GABRA3: variants seen among roughly 807,000 people sequenced by gnomAD.
GABRA3 encodes gamma-aminobutyric acid receptor subunit alpha-3.
GABRA3 carries 10 observed loss-of-function variants against 30.1 expected under a neutral mutation model. The observed-to-expected ratio is 0.33, with a 90% confidence interval of 0.20 to 0.56. The LOEUF is 0.56. GABRA3 is among the 20% of genes least tolerant of loss of function. GABRA3 has a pLI of 0.89. For synonymous variants in GABRA3, 151 were observed against 146.8 expected (o/e 1.03, Z -0.21); for missense variants, 233 against 392.0 (o/e 0.59, Z 3.42).
chrX:152,253,776 T>G (rs1243623403), intron 5 of GABRA3, among the ~76,000 whole-genome samples: 1 of 111,861 alleles, frequency 8.9e-6, no homozygotes, highest in East Asian at 2.8e-4. Context: ...CTGCAACTGC[T>G]CACTTGGTTT....
chrX:152,391,168 A>G (rs986756204), intron 1 of GABRA3, among the ~76,000 whole-genome samples: 11 of 111,965 alleles, frequency 9.8e-5, no homozygotes, highest in South Asian at 3.7e-4. Context: ...CAAACACGAT[A>G]CTGTCAAAAT....
At chrX:152,203,690 G>C (rs1353679720) in intron 7 of GABRA3, among the ~76,000 whole-genome samples, 2 of 111,579 alleles carry the variant, frequency 1.8e-5, no homozygotes, top group Non-Finnish European at 3.8e-5. Context: ...TCTCTGGGTA[G>C]TCCACATTTC....
intron 1 of GABRA3, among the ~76,000 whole-genome samples, chrX:152,416,004 T>C (rs1930205000): frequency 9.0e-6 from 1 of 110,796 alleles, no homozygotes; most frequent in South Asian, 3.8e-4. Context: ...AAAATAGACA[T>C]AATGGAAATT....
intron 8 of GABRA3, among the ~76,000 whole-genome samples, chrX:152,193,020 C>T (rs1937342930): frequency 8.9e-6 from 1 of 111,946 alleles, no homozygotes; most frequent in Non-Finnish European, 1.9e-5. Context: ...TCAAGAAGTG[C>T]AATCCATATT....
At chrX:152,244,104 A>G (rs1176097441) in intron 5 of GABRA3, among the ~76,000 whole-genome samples, 1 of 112,269 alleles carries the variant, frequency 8.9e-6, no homozygotes, top group Non-Finnish European at 1.9e-5. Flanking sequence ...CATTTATTAT[A>G]CAGTGCTTTG....
intron 5 of GABRA3, among the ~76,000 whole-genome samples, chrX:152,244,116 A>G (rs750842967): frequency 8.9e-6 from 1 of 112,202 alleles, no homozygotes; most frequent in Admixed American, 9.5e-5. Flanking sequence ...AGTGCTTTGC[A>G]TATTAAGGAT....
At chrX:152,270,689 T>G (rs1938916036) in intron 4 of GABRA3, among the ~76,000 whole-genome samples, 1 of 109,923 alleles carries the variant, frequency 9.1e-6, no homozygotes, top group African/African-American at 3.3e-5. Flanking sequence ...ACCCCGTCTC[T>G]ACTAAAAATA....
intron 3 of GABRA3, among the ~76,000 whole-genome samples, chrX:152,342,117 C>T (rs1277136949): frequency 1.8e-5 from 2 of 111,817 alleles, no homozygotes; most frequent in Non-Finnish European, 3.8e-5. Flanking sequence ...GTGATCCGCC[C>T]ACCTCAGCCT....
Position 152,432,698 on chromosome X carries a change from A to C in GABRA3, c.-27+18448T>G, listed in dbSNP as rs151097452. Among the ~76,000 whole-genome samples the C allele has an allele frequency of 7.7e-3, 859 of 111,694 alleles. 11 individuals are homozygous for C. Among genetic ancestry groups the C allele is most frequent in the African/African-American group, 0.026 (808 of 30,808 alleles). On this transcript the variant is annotated intron_variant, in intron 1 of 9. Transcript: ENST00000370314. Reference sequence around the variant, plus strand: ...AATCAGTTTTATTAAACTAATAAAAAATAATTAATTCTTATCTTCTGCAAA... The same window carrying C: ...AATCAGTTTTATTAAACTAATAAAACATAATTAATTCTTATCTTCTGCAAA...
At chrX:152,363,436 A>G (rs1928568004) in intron 2 of GABRA3, among the ~76,000 whole-genome samples, 1 of 111,691 alleles carries the variant, frequency 9.0e-6, no homozygotes, top group Admixed American at 9.5e-5. Flanking sequence ...CTGGAAGACT[A>G]TGCCTTTCTC....
chrX:152,305,728 G>T (rs1003261127), intron 3 of GABRA3, among the ~76,000 whole-genome samples: 2 of 110,987 alleles, frequency 1.8e-5, no homozygotes, highest in Non-Finnish European at 3.8e-5. Context: ...TATTGTGCAT[G>T]TTATATTCAT....
At chrX:152,405,902 T>C (rs983175045) in intron 1 of GABRA3, among the ~76,000 whole-genome samples, 1 of 111,596 alleles carries the variant, frequency 9.0e-6, no homozygotes, top group Non-Finnish European at 1.9e-5. Context: ...GTCCTAACCA[T>C]GGAGGCCATG....
intron 6 of GABRA3, among the ~76,000 whole-genome samples, chrX:152,224,123 G>C (rs1937892963): frequency 9.1e-6 from 1 of 109,864 alleles, no homozygotes; most frequent in African/African-American, 3.4e-5. Flanking sequence ...ACAGATTTTG[G>C]TATATTACTC....
chrX:152,390,359 A>C (rs992986417), intron 1 of GABRA3, among the ~76,000 whole-genome samples: 1 of 112,764 alleles, frequency 8.9e-6, no homozygotes, highest in Non-Finnish European at 1.9e-5. Context: ...AACTTATTTC[A>C]ATAACATGAA....
At chrX:152,378,488 A>G (rs1034733396) in intron 1 of GABRA3, among the ~76,000 whole-genome samples, 2 of 111,815 alleles carry the variant, frequency 1.8e-5, no homozygotes, top group Non-Finnish European at 3.8e-5. Flanking sequence ...ACTAAATCTA[A>G]ATAAAAATAG....
intron 9 of GABRA3, chrX:152,171,396 A>AT: frequency 1.5e-6 from 1 of 682,518 alleles, no homozygotes; most frequent in Non-Finnish European, 1.7e-6. Flanking sequence ...AACATGACAC[A>AT]TTTTAATCAG....
chrX:152,267,732 TAGTA>T (rs1466042474), intron 4 of GABRA3, among the ~76,000 whole-genome samples: 1 of 111,669 alleles, frequency 9.0e-6, no homozygotes, highest in Non-Finnish European at 1.9e-5. Flanking sequence ...GGTTTAGTCT[TAGTA>T]AGCTGTATGT....
chrX:152,326,917 T>A (rs1399072309), intron 3 of GABRA3, among the ~76,000 whole-genome samples: 1 of 109,728 alleles, frequency 9.1e-6, no homozygotes, highest in Admixed American at 9.8e-5. Flanking sequence ...GCAAATTGGA[T>A]AAAGAATCTA....
At chrX:152,254,818 T>G (rs1361518977) in intron 5 of GABRA3, among the ~76,000 whole-genome samples, 1 of 111,764 alleles carries the variant, frequency 8.9e-6, no homozygotes, top group Non-Finnish European at 1.9e-5. Context: ...CCATAGAAGC[T>G]CCACTACACA....
Sources: gnomAD v4.1 joint callset for allele counts (sites outside exome capture counted in the v4.1 genomes callset) on GRCh38, gnomAD v4.1.1 for gene constraint, MANE v1.5 for transcripts, NCBI Gene and HGNC (gene_info 2026-07-23, HGNC 2026-07-21) for gene names.